CHRM3: variants seen among roughly 807,000 people sequenced by gnomAD.
The protein encoded by CHRM3 is muscarinic acetylcholine receptor M3.
CHRM3 carries 11 observed loss-of-function variants against 41.8 expected under a neutral mutation model. The observed-to-expected ratio is 0.26, with a 90% CI of 0.17 to 0.44. The LOEUF (loss-of-function observed/expected upper bound fraction) is 0.44. CHRM3 is among the 20% of genes least tolerant of loss of function. The pLI is 1.00. For synonymous variants in CHRM3, 297 were observed against 301.4 expected, an observed-to-expected ratio of 0.99 and a Z score of 0.15; for missense variants, 571 against 745.4, an observed-to-expected ratio of 0.77 and a Z score of 2.72.
chr1:239,895,480 T>C (rs72760724), intron 6 of CHRM3, among the ~76,000 whole-genome samples: 1 of 152,224 alleles, frequency 6.6e-6, no homozygotes, highest in South Asian at 2.1e-4. Flanking sequence ...AGGGTAACTA[T>C]TACAAATTGT....
At chr1:239,486,158 A>C (rs1667169229) in intron 1 of CHRM3, among the ~76,000 whole-genome samples, 1 of 152,068 alleles carries the variant, frequency 6.6e-6, no homozygotes, top group Admixed American at 6.5e-5. Flanking sequence ...TCTCTTTCCA[A>C]ATGCTTGAAT....
At chr1:239,533,807 A>G (rs1296544579) in intron 2 of CHRM3, among the ~76,000 whole-genome samples, 1 of 151,922 alleles carries the variant, frequency 6.6e-6, no homozygotes, top group Non-Finnish European at 1.5e-5. Context: ...CATCACGAGA[A>G]CAGCAGGAGA....
chr1:239,558,383 A>C (rs1423501657), intron 3 of CHRM3, among the ~76,000 whole-genome samples: 1 of 152,210 alleles, frequency 6.6e-6, no homozygotes, highest in Non-Finnish European at 1.5e-5. Flanking sequence ...GACTTTTGTC[A>C]GATGGATAGA....
chr1:239,396,011 T>C (rs1659444820), intron 1 of CHRM3, among the ~76,000 whole-genome samples: 1 of 152,216 alleles, frequency 6.6e-6, no homozygotes, highest in Admixed American at 6.5e-5. Context: ...CACTTTACCC[T>C]GGTACTTGCT....
chr1:239,858,881 C>G (rs913479232), intron 6 of CHRM3, among the ~76,000 whole-genome samples: 3 of 152,168 alleles, frequency 2.0e-5, no homozygotes, highest in African/African-American at 7.2e-5. Context: ...TGTCTAGCTT[C>G]TTTTGCTTAG....
intron 5 of CHRM3, among the ~76,000 whole-genome samples, chr1:239,680,221 T>C (rs1658430830): frequency 6.6e-6 from 1 of 152,102 alleles, no homozygotes; most frequent in East Asian, 1.9e-4. Context: ...ATAGAAAATA[T>C]CTGGTTGACT....
At chr1:239,750,889 A>T (rs1665760749) in intron 5 of CHRM3, among the ~76,000 whole-genome samples, 1 of 152,038 alleles carries the variant, frequency 6.6e-6, no homozygotes, top group African/African-American at 2.4e-5. Context: ...TTTTCTTTTA[A>T]CACCAGTTAT....
At position 239,543,397 on chromosome 1, in the gene CHRM3, G is replaced by T. The variant is rs932881407; in HGVS notation, c.-421-2244G>T. Among the ~76,000 whole-genome samples the T allele has an allele frequency of 4.6e-5, 7 of 151,996 alleles. No individual in the cohort carries two copies. In the East Asian group the frequency reaches 9.6e-4, roughly 21 times the overall value. ...GCTCATGATCTTCTGTAAGGCCAGG[G>T]GTTCCCAACCTCTGCTTCCAATCTG... On this transcript the variant is annotated intron_variant, in intron 2 of 6. Transcript: ENST00000676153.
chr1:239,684,777 A>G (rs915422056), intron 5 of CHRM3, among the ~76,000 whole-genome samples: 6 of 147,480 alleles, frequency 4.1e-5, no homozygotes, highest in African/African-American at 1.5e-4. Context: ...AAAGAGAAAG[A>G]GAAAGAAAAG....
At chr1:239,862,375 A>T (rs1015859016) in intron 6 of CHRM3, among the ~76,000 whole-genome samples, 1 of 152,248 alleles carries the variant, frequency 6.6e-6, no homozygotes, top group African/African-American at 2.4e-5. Context: ...TTTACAGATT[A>T]AAACAAAGAA....
intron 1 of CHRM3, among the ~76,000 whole-genome samples, chr1:239,403,478 A>G (rs1660151202): frequency 6.6e-6 from 1 of 152,178 alleles, no homozygotes; most frequent in East Asian, 1.9e-4. Flanking sequence ...TTATATGCAG[A>G]ACATACTAGA....
rs549033388 is a variant in CHRM3 at position 239,391,990 on chromosome 1, T to C, written c.-521+4763T>C. Among the ~76,000 whole-genome samples, 4 of 152,262 alleles carry C rather than the reference T, an allele frequency of 2.6e-5. No homozygotes were observed. In the East Asian group the frequency reaches 5.8e-4, roughly 22 times the overall value. On this transcript the variant is annotated intron_variant, in intron 1 of 6. Transcript: ENST00000676153. ...CCCCCCTCACCTCAGTTTCTCTAAC[T>C]CCTGTCATATTTACCATTTCGTAGG...
chr1:239,432,762 TGTCAAATCCA>T (rs1379605777), intron 1 of CHRM3, among the ~76,000 whole-genome samples: 10 of 152,174 alleles, frequency 6.6e-5, no homozygotes, highest in African/African-American at 1.9e-4. Flanking sequence ...AAACAGAAAC[TGTCAAATCCA>T]GTCAAATCCA....
chr1:239,505,297 A>G (rs190635533), intron 2 of CHRM3, among the ~76,000 whole-genome samples: 3 of 149,804 alleles, frequency 2.0e-5, no homozygotes, highest in South Asian at 2.1e-4. Context: ...GATGATGATG[A>G]TGATGATGAT....
chr1:239,587,282 T>C (rs2148617984), intron 3 of CHRM3, among the ~76,000 whole-genome samples: 1 of 152,266 alleles, frequency 6.6e-6, no homozygotes, highest in African/African-American at 2.4e-5. Flanking sequence ...CACTTCCCAT[T>C]GAAGGGACCA....
At chr1:239,467,921 A>T (rs1665851350) in intron 1 of CHRM3, among the ~76,000 whole-genome samples, 1 of 151,716 alleles carries the variant, frequency 6.6e-6, no homozygotes, top group Non-Finnish European at 1.5e-5. Context: ...CGTTATTCCA[A>T]GAGGAAAAGA....
At chr1:239,728,931 C>G (rs1485524099) in intron 5 of CHRM3, among the ~76,000 whole-genome samples, 2 of 151,982 alleles carry the variant, frequency 1.3e-5, no homozygotes, top group African/African-American at 2.4e-5. Flanking sequence ...CAGCAGTTCT[C>G]TAAGTGTAGT....
chr1:239,760,484 C>A (rs962240205), intron 5 of CHRM3, among the ~76,000 whole-genome samples: 2 of 152,064 alleles, frequency 1.3e-5, no homozygotes, highest in Non-Finnish European at 2.9e-5. Flanking sequence ...GTTCGTCTAC[C>A]TTTTTGCGTG....
intron 5 of CHRM3, among the ~76,000 whole-genome samples, chr1:239,813,612 A>T (rs1049503384): frequency 9.9e-5 from 15 of 152,138 alleles, no homozygotes; most frequent in African/African-American, 3.6e-4. Context: ...AAGTGAAGTA[A>T]CAGAAACCAT....
Sources: allele counts gnomAD v4.1 joint callset (sites outside exome capture counted in the v4.1 genomes callset), GRCh38; gene constraint gnomAD v4.1.1; transcripts MANE v1.5; gene names NCBI Gene and HGNC (gene_info 2026-07-23, HGNC 2026-07-21).